Variants in CRTAC1 observed in about 807,000 individuals in gnomAD.
CRTAC1 encodes cartilage acidic protein 1, also known as acidic secreted protein in cartilage.
A neutral mutation model predicts 67.8 loss-of-function variants in CRTAC1; 37 were observed. The observed-to-expected ratio is 0.55, with a 90% CI of 0.42 to 0.72. CRTAC1 has a LOEUF of 0.72. CRTAC1 is among the 30% of genes least tolerant of loss of function. The pLI, the probability that CRTAC1 is intolerant of heterozygous loss-of-function variation, is 0.00. For missense variants in CRTAC1, 780 were observed against 931.6 expected, an observed-to-expected ratio of 0.84 and a Z score of 2.12; for synonymous variants, 348 against 371.0, an observed-to-expected ratio of 0.94 and a Z score of 0.71.
chr10:97,983,038 T>C (rs2051921230), intron 2 of CRTAC1, among the ~76,000 whole-genome samples: 1 of 152,242 alleles, frequency 6.6e-6, no homozygotes, highest in African/African-American at 2.4e-5. Context: ...GACTCTGATA[T>C]GCTAACGTGG....
intron 2 of CRTAC1, among the ~76,000 whole-genome samples, chr10:97,955,662 G>A (rs1177613379): frequency 6.6e-6 from 1 of 152,160 alleles, no homozygotes; most frequent in Non-Finnish European, 1.5e-5. Flanking sequence ...TGTTTATCCA[G>A]AACAGGCAGC....
intron 3 of CRTAC1, among the ~76,000 whole-genome samples, chr10:97,930,811 T>C (rs1202596224): frequency 2.0e-5 from 3 of 152,042 alleles, no homozygotes; most frequent in Admixed American, 2.0e-4. Context: ...CAAGAGCCTC[T>C]GCTGAAGACC....
chr10:97,892,269 G>A (rs1345658956), intron 11 of CRTAC1, among the ~76,000 whole-genome samples: 1 of 152,216 alleles, frequency 6.6e-6, no homozygotes, highest in Non-Finnish European at 1.5e-5. Flanking sequence ...TAAAATAGCA[G>A]AGGCTGCCCC....
At chr10:97,882,432 C>T (rs963169440) in intron 13 of CRTAC1, among the ~76,000 whole-genome samples, 2 of 152,230 alleles carry the variant, frequency 1.3e-5, no homozygotes, top group Non-Finnish European at 2.9e-5. Flanking sequence ...GCCTGCCAGC[C>T]CCCTTGCTTG....
intron 14 of CRTAC1, chr10:97,878,604 C>T (rs764835759): frequency 3.7e-5 from 48 of 1,302,742 alleles, no homozygotes; most frequent in East Asian, 5.6e-5. Context: ...TATTCTGTGG[C>T]GTTACATCAT....
In CRTAC1 at chr10:97,873,575, A is replaced by T. The variant is rs145997661; in HGVS notation, c.1819+6674T>A. 2.1e-3 allele frequency among the ~76,000 whole-genome samples: 323 copies of T among 152,180 alleles called. 2 individuals carry two copies. Among genetic ancestry groups the T allele is most frequent in the Middle Eastern group, 0.01 (3 of 294 alleles). On this transcript the variant is annotated intron_variant, in intron 14 of 14. Coordinates refer to ENST00000370597, the MANE Select transcript of CRTAC1 (RefSeq NM_018058.7). ...GGATGTGCTTTTTTCCTGTTCCAGG[A>T]GCTCTACAGCCAGGTCTGGGGTGGA...
chr10:98,012,460 C>T (rs1842928084), intron 1 of CRTAC1, among the ~76,000 whole-genome samples: 1 of 152,220 alleles, frequency 6.6e-6, no homozygotes, highest in Non-Finnish European at 1.5e-5. Flanking sequence ...GGTCTAGTCC[C>T]AGCAGGCAAA....
intron 2 of CRTAC1, among the ~76,000 whole-genome samples, chr10:98,005,015 C>T (rs1842755783): frequency 7.0e-6 from 1 of 141,890 alleles, no homozygotes; most frequent in Admixed American, 7.1e-5. Context: ...GGATTTTTAC[C>T]TTGACCTAGG....
At chr10:97,890,241 T>C (rs585005) in intron 11 of CRTAC1, among the ~76,000 whole-genome samples, 92,569 of 151,562 alleles carry the variant, frequency 0.61, 28,634 homozygotes, top group East Asian at 0.84. Flanking sequence ...CTCATCCTCC[T>C]GAGTAACTGG....
At chr10:97,937,305 A>C (rs2136615627) in intron 2 of CRTAC1, among the ~76,000 whole-genome samples, 1 of 149,882 alleles carries the variant, frequency 6.7e-6, no homozygotes, top group African/African-American at 2.5e-5. Flanking sequence ...TCTCCTTTAA[A>C]CCTTTGCTCC....
At chr10:98,025,917 G>A (rs955903160) in intron 1 of CRTAC1, among the ~76,000 whole-genome samples, 1 of 152,218 alleles carries the variant, frequency 6.6e-6, no homozygotes, top group African/African-American at 2.4e-5. Context: ...GAACCCCAAA[G>A]TGAAAACCCT....
At chr10:97,998,416 T>C (rs1309989980) in intron 2 of CRTAC1, among the ~76,000 whole-genome samples, 1 of 151,910 alleles carries the variant, frequency 6.6e-6, no homozygotes, top group East Asian at 1.9e-4. Flanking sequence ...AACTGAACGA[T>C]GAAAGAGAGA....
At position 97,895,187 on chromosome 10, in the gene CRTAC1, C is replaced by A; in HGVS notation, c.1486+58G>T. ...CCCAAGGATGCTCGGGCTGTGAGTC[C>A]CTGAATCAGTCAGCATCCTGATAAC... On this transcript the variant is annotated intron_variant, in intron 11 of 14. Coordinates refer to ENST00000370597, the MANE Select transcript of CRTAC1 (RefSeq NM_018058.7). This position sits in a 1 kb window ranked among gnomAD's most constrained non-coding sequence, Gnocchi z 4.2. The A allele has an allele frequency of 6.4e-7, 1 of 1,553,450 alleles. No individual in the cohort carries two copies.
intron 2 of CRTAC1, among the ~76,000 whole-genome samples, chr10:97,988,063 G>A (rs2052013378): frequency 6.6e-6 from 1 of 152,100 alleles, no homozygotes; most frequent in African/African-American, 2.4e-5. Flanking sequence ...TAATTAAGTG[G>A]ACAGGCCAAG....
intron 14 of CRTAC1, among the ~76,000 whole-genome samples, chr10:97,878,155 G>A (rs977116370): frequency 6.6e-6 from 1 of 152,206 alleles, no homozygotes; most frequent in Non-Finnish European, 1.5e-5. Context: ...CCTGGCCTGG[G>A]GAGCAGTGGG....
intron 3 of CRTAC1, among the ~76,000 whole-genome samples, chr10:97,932,181 C>T (rs529896568): frequency 2.0e-5 from 3 of 152,268 alleles, no homozygotes; most frequent in Admixed American, 1.3e-4. Context: ...CACGGTTTCT[C>T]TTTCCCACAG....
chr10:98,005,035 T>G (rs1332660361), intron 2 of CRTAC1, among the ~76,000 whole-genome samples: 1 of 144,854 alleles, frequency 6.9e-6, no homozygotes, highest in African/African-American at 2.5e-5. Context: ...GTTGTGTGAT[T>G]TTTTTTTTTG....
intron 2 of CRTAC1, among the ~76,000 whole-genome samples, chr10:97,967,739 G>A (rs2051642380): frequency 6.6e-6 from 1 of 152,106 alleles, no homozygotes; most frequent in Non-Finnish European, 1.5e-5. Context: ...GGTTGCTTCT[G>A]GAAGTAGTAA....
chr10:97,962,745 C>A (rs1322243658), intron 2 of CRTAC1, among the ~76,000 whole-genome samples: 1 of 151,504 alleles, frequency 6.6e-6, no homozygotes, highest in African/African-American at 2.4e-5. Flanking sequence ...TGAATCCAAA[C>A]AACATCTGCT....
Sources: allele counts gnomAD v4.1 joint callset (sites outside exome capture counted in the v4.1 genomes callset), GRCh38; gene constraint gnomAD v4.1.1; non-coding constraint Gnocchi (gnomAD v3.1); transcripts MANE v1.5; gene names NCBI Gene and HGNC (gene_info 2026-07-23, HGNC 2026-07-21).